Variants in OXTR observed in about 807,000 individuals in gnomAD.
OXTR encodes oxytocin receptor.
OXTR carries 19 observed loss-of-function variants against 23.9 expected under a neutral mutation model. The observed-to-expected ratio is 0.80, with a 90% CI of 0.56 to 1.17. The LOEUF (loss-of-function observed/expected upper bound fraction) is 1.17, where lower values mean the gene tolerates loss of function less well. Among genes scored for constraint, OXTR ranks in the 50% most tolerant of loss-of-function variants. The probability of loss-of-function intolerance (pLI) is 0.00; values close to 1 mark genes in which losing one functional copy is unlikely to be tolerated. For synonymous variants in OXTR, 278 were observed against 250.5 expected (o/e 1.11, Z -1.04); for missense variants, 500 against 550.7 (o/e 0.91, Z 0.92).
chr3:8,767,685 C>G lies in OXTR; in HGVS notation c.503G>C (p.Ser168Thr). 6.2e-7 allele frequency: 1 copy of G among 1,610,202 alleles called. No individual in the cohort carries two copies. The highest frequency in any genetic ancestry group is 8.5e-7 in the Non-Finnish European group (1 of 1,178,444). Residue 168 changes from serine to threonine, a missense_variant, in exon 3 of 4, where the codon AGC becomes ACC. Transcript: ENST00000316793. Reference protein sequence around the residue: ...LATWLGCLVASAPQVHIFSLR... With the variant: ...LATWLGCLVATAPQVHIFSLR... Reference sequence around the variant, plus strand: ...AGAGAAGATGTGCACCTGCGGCGCGCTGGCCACCAGGCAGCCGAGCCACGT... The same window carrying G: ...AGAGAAGATGTGCACCTGCGGCGCGGTGGCCACCAGGCAGCCGAGCCACGT...
chr3:8,745,485 T>C (rs1360040143), downstream of OXTR: 1 of 1,165,378 alleles, frequency 8.6e-7, no homozygotes, highest in Non-Finnish European at 1.3e-6. This position sits in a 1 kb window ranked among gnomAD's most constrained non-coding sequence, Gnocchi z 4.8. Flanking sequence ...GAGAAGCGGG[T>C]GGCTTCTGTG....
chr3:8,749,003 G>A (rs780893693), downstream of OXTR, among the ~76,000 whole-genome samples: 5 of 152,090 alleles, frequency 3.3e-5, no homozygotes, highest in African/African-American at 7.2e-5. Context: ...TGGCAACCCC[G>A]GCCATGCATA....
the OXTR span, among the ~76,000 whole-genome samples, chr3:8,742,091 C>T: frequency 6.6e-6 from 1 of 152,154 alleles, no homozygotes; most frequent in Non-Finnish European, 1.5e-5. Context: ...AATGAAGTCA[C>T]CGTATGCTTG....
chr3:8,742,093 G>A, the OXTR span, among the ~76,000 whole-genome samples: 5 of 152,114 alleles, frequency 3.3e-5, no homozygotes, highest in African/African-American at 7.2e-5. Flanking sequence ...TGAAGTCACC[G>A]TATGCTTGTG....
At chr3:8,742,187 T>C in the OXTR span, among the ~76,000 whole-genome samples, 1 of 152,040 alleles carries the variant, frequency 6.6e-6, no homozygotes, top group Non-Finnish European at 1.5e-5. Context: ...CAAAGCTCTC[T>C]CAATGCTCAA....
At chr3:8,743,108 G>A in the OXTR span, among the ~76,000 whole-genome samples, 2 of 152,082 alleles carry the variant, frequency 1.3e-5, no homozygotes, top group Non-Finnish European at 2.9e-5. Context: ...ACTCACTCAT[G>A]ACCACAGGGA....
chr3:8,749,571 C>T (rs1034031140), downstream of OXTR, among the ~76,000 whole-genome samples: 4 of 152,240 alleles, frequency 2.6e-5, no homozygotes, highest in South Asian at 2.1e-4. Context: ...CACCAGTGCT[C>T]CAGTACATGT....
chr3:8,754,706 C>A (rs1170830255), intron 3 of OXTR, among the ~76,000 whole-genome samples: 1 of 152,144 alleles, frequency 6.6e-6, no homozygotes, highest in Non-Finnish European at 1.5e-5. Flanking sequence ...CCTCCCAGAG[C>A]GACACATCAC....
Position 8,767,762 on chromosome 3 carries a change from G to A in OXTR, c.426C>T (p.Cys142=), listed in dbSNP as rs986369609. 5 of 1,606,026 alleles carry A rather than the reference G, an allele frequency of 3.1e-6. No individual in the cohort carries two copies. The highest frequency in any genetic ancestry group is 2.2e-5 in the South Asian group (2 of 90,442). The change falls in exon 3 of 4, where the codon TGC becomes TGT. Residue 142 remains cysteine, a synonymous_variant. Coordinates refer to ENST00000316793, the MANE Select transcript of OXTR (RefSeq NM_000916.4). Reference sequence around the variant, plus strand: ...GGCGGCGCAGCGAGCGCAGCGGCTGGCAGATGGCCAGGCAGCGGTCCAGGG... The same window carrying A: ...GGCGGCGCAGCGAGCGCAGCGGCTGACAGATGGCCAGGCAGCGGTCCAGGG... ...LMSLDRCLAI[C]QPLRSLRRRT... is the part of the protein sequence containing the mutation.
chr3:8,766,147 G>A (rs76548613), intron 3 of OXTR, among the ~76,000 whole-genome samples: 3,505 of 152,240 alleles, frequency 0.023, 147 homozygotes, highest in African/African-American at 0.08. Flanking sequence ...CATCCAGCAC[G>A]CGTTATGGGA....
At position 8,752,034 on chromosome 3, in the gene OXTR, T is replaced by C. The variant is rs1708271597; in HGVS notation, c.*943A>G. 1 of 152,262 alleles carries C rather than the reference T, an allele frequency of 6.6e-6. No homozygotes were observed. The highest frequency in any genetic ancestry group is 2.1e-4 in the South Asian group (1 of 4,834). 9.4% of individuals were successfully genotyped at this position (152,262 alleles called of 1,614,324 possible). The stretch of plus-strand genomic sequence containing the variant: ...ATTTATTTAAGCCTTCTTTAATTTC[T>C]TTCCAATTTTGTAGTTTTCAGTCTT... On this transcript the variant is annotated 3_prime_UTR_variant, in exon 4 of 4. Coordinates refer to ENST00000316793, the MANE Select transcript of OXTR (RefSeq NM_000916.4).
intron 3 of OXTR, among the ~76,000 whole-genome samples, chr3:8,760,953 C>T (rs749996050): frequency 2.6e-5 from 4 of 152,204 alleles, no homozygotes; most frequent in Non-Finnish European, 4.4e-5. Context: ...CCAGGGATGA[C>T]TTTGCCCCTT....
chr3:8,747,647 C>T (rs1708192233), downstream of OXTR, among the ~76,000 whole-genome samples: 1 of 152,218 alleles, frequency 6.6e-6, no homozygotes, highest in African/African-American at 2.4e-5. Context: ...TGGCTCCAGC[C>T]TGCTGCCTGT....
intron 3 of OXTR, among the ~76,000 whole-genome samples, chr3:8,763,707 C>T (rs1256004979): frequency 1.3e-5 from 2 of 152,152 alleles, no homozygotes; most frequent in South Asian, 2.1e-4. Flanking sequence ...AGTCAGCACC[C>T]GACGGCATCC....
At chr3:8,742,291 C>T in the OXTR span, among the ~76,000 whole-genome samples, 3 of 149,990 alleles carry the variant, frequency 2.0e-5, no homozygotes, top group Non-Finnish European at 4.4e-5. Context: ...GCACTTGCCC[C>T]ACACACAGCA....
chr3:8,756,117 T>C (rs547372089), intron 3 of OXTR, among the ~76,000 whole-genome samples: 1 of 152,176 alleles, frequency 6.6e-6, no homozygotes, highest in East Asian at 1.9e-4. Context: ...TCTGCACTTA[T>C]TGTATCTTGT....
At chr3:8,758,140 T>C (rs575094059) in intron 3 of OXTR, among the ~76,000 whole-genome samples, 2 of 152,168 alleles carry the variant, frequency 1.3e-5, no homozygotes, top group African/African-American at 4.8e-5. Flanking sequence ...TCTGCATTTC[T>C]ACTTGGCACC....
rs957013016 is a variant in OXTR at position 8,768,499 on chromosome 3, C to T, written c.-146G>A. ...CAGAAATCCCCGTTGGAGGTACCTC[C>T]TCTGAGCCACTGCAAATGAGCGGGA... is the stretch of plus-strand genomic sequence containing the variant. On this transcript the variant is annotated 5_prime_UTR_variant, in exon 2 of 4. Coordinates refer to ENST00000316793, the MANE Select transcript of OXTR (RefSeq NM_000916.4). The surrounding 1 kb of genome is among the most constrained non-coding windows in gnomAD (Gnocchi z 5.4). The T allele has an allele frequency of 3.7e-6, 1 of 270,428 alleles. No homozygotes were observed. Among genetic ancestry groups the T allele is most frequent in the Admixed American group, 5.4e-5 (1 of 18,584 alleles). 16.8% of individuals were successfully genotyped at this position (270,428 alleles called of 1,614,324 possible). A position where few individuals can be genotyped will look rare whatever the true frequency, so the allele number is the denominator to read the frequency against.
rs757173355 is a variant in OXTR, at chr3:8,753,111, A to G, written c.1036T>C (p.Cys346Arg). The G allele has an allele frequency of 3.1e-6, 5 of 1,614,170 alleles. 1 individual carries two copies. Among genetic ancestry groups the G allele is most frequent in the Non-Finnish European group, 2.5e-6 (3 of 1,180,030 alleles). ...CCCTTCAGGTAGCTGGCGGAGCAGC[A>G]CAGGAAGCGCTGCACGAGTTCGTGG... is the stretch of plus-strand genomic sequence containing the variant. ...LFHELVQRFL[C>R]CSASYLKGRR... Residue 346 changes from cysteine (C) to arginine (R), a missense_variant, in exon 4 of 4, where the codon TGC becomes CGC. Coordinates refer to ENST00000316793, the MANE Select transcript of OXTR (RefSeq NM_000916.4).
Sources: gnomAD v4.1 joint callset for allele counts (sites outside exome capture counted in the v4.1 genomes callset) on GRCh38, gnomAD v4.1.1 for gene constraint, Gnocchi (gnomAD v3.1) non-coding constraint, MANE v1.5 for transcripts, NCBI Gene and HGNC (gene_info 2026-07-23, HGNC 2026-07-21) for gene names.